NTM: variants seen among roughly 807,000 people sequenced by gnomAD.
NTM encodes IgLON family member 2.
A neutral mutation model predicts 42.1 loss-of-function variants in NTM; 13 were observed. The ratio of observed to expected loss-of-function variants is 0.31; its 90% confidence interval spans 0.20 to 0.49. The LOEUF (loss-of-function observed/expected upper bound fraction) is 0.49, where lower values mean the gene tolerates loss of function less well. Among genes scored for constraint, NTM ranks in the 20% least tolerant of loss-of-function variants. NTM has a pLI of 0.99. For missense variants in NTM, 373 were observed against 452.8 expected (o/e 0.82, Z 1.60); for synonymous variants, 187 against 179.2 (o/e 1.04, Z -0.35).
intron 3 of NTM, among the ~76,000 whole-genome samples, chr11:132,188,521 C>T (rs1182344278): frequency 1.3e-5 from 2 of 152,160 alleles, no homozygotes; most frequent in Non-Finnish European, 2.9e-5. Flanking sequence ...TTACGCCGGT[C>T]TCTAAACACT....
chr11:131,913,407 G>A (rs958759551), intron 2 of NTM, among the ~76,000 whole-genome samples: 1 of 152,046 alleles, frequency 6.6e-6, no homozygotes, highest in African/African-American at 2.4e-5. Context: ...GTGGGTCCTG[G>A]CAGACAGAGA....
intron 1 of NTM, among the ~76,000 whole-genome samples, chr11:131,411,350 T>G (rs187618651): frequency 1.4e-4 from 21 of 152,150 alleles, no homozygotes; most frequent in Admixed American, 1.4e-3. Flanking sequence ...TGGTTCCTAG[T>G]TGGCACTGAG....
intron 1 of NTM, among the ~76,000 whole-genome samples, chr11:131,570,252 C>A (rs1216234628): frequency 6.6e-6 from 1 of 152,092 alleles, no homozygotes; most frequent in East Asian, 1.9e-4. Context: ...TTTGTAAGGC[C>A]CCCAGGAAGT....
chr11:131,831,941 A>C (rs1355734939), intron 1 of NTM, among the ~76,000 whole-genome samples: 1 of 147,710 alleles, frequency 6.8e-6, no homozygotes, highest in East Asian at 1.9e-4. Flanking sequence ...ATGTAATTAT[A>C]TATATAATAT....
At chr11:132,280,642 C>T (rs2093941139) in intron 4 of NTM, among the ~76,000 whole-genome samples, 1 of 152,024 alleles carries the variant, frequency 6.6e-6, no homozygotes, top group African/African-American at 2.4e-5. Context: ...CATGCCACCA[C>T]ACCCAGCTGA....
At chr11:131,957,668 T>C (rs919307427) in intron 2 of NTM, among the ~76,000 whole-genome samples, 3 of 152,204 alleles carry the variant, frequency 2.0e-5, no homozygotes, top group African/African-American at 7.2e-5. Flanking sequence ...GCCATCCCAC[T>C]AGTCTTAAAT....
chr11:132,286,522 C>A (rs567609713), intron 4 of NTM, among the ~76,000 whole-genome samples: 1 of 152,104 alleles, frequency 6.6e-6, no homozygotes, highest in Non-Finnish European at 1.5e-5. Flanking sequence ...GTCCGCCCCC[C>A]CCACCCAAAC....
At chr11:131,917,039 C>T (rs146482081) in intron 2 of NTM, among the ~76,000 whole-genome samples, 123 of 152,306 alleles carry the variant, frequency 8.1e-4, no homozygotes, top group African/African-American at 2.9e-3. Context: ...TCTGGCATAT[C>T]ATCCTGGAGT....
chr11:132,165,990 T>G (rs1195227146), intron 3 of NTM, among the ~76,000 whole-genome samples: 1 of 152,200 alleles, frequency 6.6e-6, no homozygotes, highest in Non-Finnish European at 1.5e-5. Flanking sequence ...TGGCAGCCCC[T>G]GAGCTATTTA....
intron 1 of NTM, among the ~76,000 whole-genome samples, chr11:131,886,568 T>C (rs1055403382): frequency 1.3e-5 from 2 of 152,230 alleles, no homozygotes; most frequent in Non-Finnish European, 2.9e-5. Flanking sequence ...GTTTATAGAG[T>C]AAACTGTCCA....
chr11:131,713,940 G>C (rs1053595188), intron 1 of NTM, among the ~76,000 whole-genome samples: 1 of 152,210 alleles, frequency 6.6e-6, no homozygotes, highest in Non-Finnish European at 1.5e-5. Flanking sequence ...CTTGGACTTT[G>C]TTACGTTGGC....
intron 2 of NTM, among the ~76,000 whole-genome samples, chr11:131,986,720 C>T (rs930597245): frequency 6.6e-6 from 1 of 152,168 alleles, no homozygotes; most frequent in African/African-American, 2.4e-5. Context: ...GGAATATAAC[C>T]TCCATGAGGG....
At chr11:132,078,679 C>T (rs2058664357) in intron 2 of NTM, among the ~76,000 whole-genome samples, 2 of 152,120 alleles carry the variant, frequency 1.3e-5, no homozygotes, top group South Asian at 4.1e-4. Context: ...AGCAGAGGAC[C>T]CCAGTGCATT....
intron 2 of NTM, among the ~76,000 whole-genome samples, chr11:132,047,261 C>T (rs1405133860): frequency 6.6e-6 from 1 of 152,252 alleles, no homozygotes; most frequent in Non-Finnish European, 1.5e-5. Context: ...TAACTAAATA[C>T]TCTTTCAGTG....
intron 2 of NTM, among the ~76,000 whole-genome samples, chr11:132,072,173 A>G (rs2136178028): frequency 6.6e-6 from 1 of 152,344 alleles, no homozygotes; most frequent in East Asian, 1.9e-4. Flanking sequence ...TGACTTAAAA[A>G]GGGGTTAATG....
intron 4 of NTM, among the ~76,000 whole-genome samples, chr11:132,293,098 G>A (rs2094504508): frequency 2.0e-5 from 3 of 152,126 alleles, no homozygotes; most frequent in Admixed American, 2.0e-4. Context: ...GAGAATAGTG[G>A]TAGGAGTGAG....
intron 3 of NTM, among the ~76,000 whole-genome samples, chr11:132,154,855 G>T (rs1346737762): frequency 1.3e-5 from 2 of 152,200 alleles, no homozygotes; most frequent in Non-Finnish European, 2.9e-5. Flanking sequence ...CTAGAGCTTG[G>T]CTCAGCAGAG....
chr11:131,870,554 C>T (rs2047675506), intron 1 of NTM, among the ~76,000 whole-genome samples: 1 of 152,146 alleles, frequency 6.6e-6, no homozygotes, highest in South Asian at 2.1e-4. Flanking sequence ...CGAGGGCCCT[C>T]CTCTTTAAGC....
chr11:131,999,132 T>G (rs1364657817), intron 2 of NTM, among the ~76,000 whole-genome samples: 1 of 152,110 alleles, frequency 6.6e-6, no homozygotes, highest in Non-Finnish European at 1.5e-5. Flanking sequence ...CCTTCGCAGG[T>G]GGAGAAAGCT....
Sources: allele counts gnomAD v4.1 joint callset (sites outside exome capture counted in the v4.1 genomes callset), GRCh38; gene constraint gnomAD v4.1.1; transcripts MANE v1.5; gene names NCBI Gene and HGNC (gene_info 2026-07-23, HGNC 2026-07-21).